FAM168B: variants seen among roughly 807,000 people sequenced by gnomAD.
FAM168B encodes the protein myelin-associated neurite-outgrowth inhibitor.
A neutral mutation model predicts 21.8 loss-of-function variants in FAM168B; 19 were observed. The observed-to-expected ratio is 0.87, with a 90% confidence interval of 0.61 to 1.28. FAM168B has a LOEUF of 1.28. FAM168B is among the 50% of genes most tolerant of loss of function. FAM168B has a pLI of 0.00. For missense variants in FAM168B, 233 were observed against 263.1 expected, an observed-to-expected ratio of 0.89 and a Z score of 0.79; for synonymous variants, 126 against 104.8, an observed-to-expected ratio of 1.20 and a Z score of -1.24.
At position 131,050,585 on chromosome 2, in the gene FAM168B, A is replaced by C; in HGVS notation, c.*1880T>G. On this transcript the variant is annotated 3_prime_UTR_variant, in exon 7 of 7. Transcript: ENST00000389915. ...ACATTCTATGTTAATAGACATCAGG[A>C]ATAAAGAATCTGCTGTTTACAATGA... 1.0e-6 allele frequency: 1 copy of C among 985,714 alleles called. No individual in the cohort carries two copies. The highest frequency in any genetic ancestry group is 1.2e-6 in the Non-Finnish European group (1 of 829,820). 61.1% of individuals were successfully genotyped at this position (985,714 alleles called of 1,614,324 possible).
rs1286199752 is a variant in FAM168B at position 131,048,308 on chromosome 2, T to C, written c.*4157A>G. The C allele has an allele frequency of 5.4e-6, 7 of 1,304,232 alleles. No homozygotes were observed. Among genetic ancestry groups the C allele is most frequent in the Admixed American group, 2.3e-5 (1 of 43,576 alleles). 80.8% of individuals were successfully genotyped at this position (1,304,232 alleles called of 1,614,324 possible). ...GGCCTGAGATCTGGCCCAGCTGCCT[T>C]GCCCACTGGTCTGCACAGGGACTCA... On this transcript the variant is annotated 3_prime_UTR_variant, in exon 7 of 7. Coordinates refer to ENST00000389915, the MANE Select transcript of FAM168B (RefSeq NM_001009993.4).
At chr2:131,067,349 G>A (rs1573778332) in intron 3 of FAM168B, among the ~76,000 whole-genome samples, 1 of 152,222 alleles carries the variant, frequency 6.6e-6, no homozygotes, top group East Asian at 1.9e-4. Context: ...AGAAATACGT[G>A]GCATTTGGAT....
chr2:131,048,151 A>T lies in FAM168B; in HGVS notation c.*4314T>A. ...AAAAAAAGTACCGAGAGAACGGTGT[A>T]AAAAACGGTATTTAAAAATCATTTT... On this transcript the variant is annotated 3_prime_UTR_variant, in exon 7 of 7. Coordinates refer to ENST00000389915, the MANE Select transcript of FAM168B (RefSeq NM_001009993.4). The T allele has an allele frequency of 8.1e-7, 1 of 1,240,804 alleles. No homozygotes were observed. The highest frequency in any genetic ancestry group is 1.4e-5 in the South Asian group (1 of 72,960). 76.9% of individuals were successfully genotyped at this position (1,240,804 alleles called of 1,614,324 possible).
intron 1 of FAM168B, among the ~76,000 whole-genome samples, chr2:131,091,263 C>A (rs192565692): frequency 5.9e-5 from 9 of 151,908 alleles, no homozygotes; most frequent in African/African-American, 1.9e-4. Context: ...CACTTGAACC[C>A]GGGAGGAGGA....
intron 2 of FAM168B, among the ~76,000 whole-genome samples, chr2:131,072,243 C>A (rs749501884): frequency 3.3e-5 from 5 of 152,064 alleles, no homozygotes; most frequent in African/African-American, 1.2e-4. Flanking sequence ...CCTGCCTCAG[C>A]CTTCCGAAGA....
Position 131,083,874 on chromosome 2 carries a change from GTATTTATTTATTTATT to G in FAM168B, c.-11-1233_-11-1218del, listed in dbSNP as rs10550552. On this transcript the variant is annotated intron_variant, in intron 1 of 6. Transcript: ENST00000389915. The stretch of plus-strand genomic sequence containing the variant: ...TTTAGTGGTCCTTTTGCAATTTCCT[GTATTTATTTATTTATT>G]TATTTATTTATTTATTTATTTATTT... Among the ~76,000 whole-genome samples, 971 of 148,136 alleles carry G rather than the reference GTATTTATTTATTTATT, an allele frequency of 6.6e-3. 6 individuals are homozygous for G. The highest frequency in any genetic ancestry group is 0.021 in the African/African-American group (844 of 39,882).
intron 3 of FAM168B, among the ~76,000 whole-genome samples, chr2:131,056,556 G>A (rs1375251594): frequency 6.6e-6 from 1 of 152,146 alleles, no homozygotes; most frequent in African/African-American, 2.4e-5. Flanking sequence ...TAAGCAGTTA[G>A]GTGTCCCTTC....
chr2:131,069,881 C>T (rs1325283298), intron 3 of FAM168B, among the ~76,000 whole-genome samples: 3 of 150,500 alleles, frequency 2.0e-5, no homozygotes, highest in South Asian at 2.1e-4. Flanking sequence ...TTGGTTGAGA[C>T]GGAGTCTCAC....
At chr2:131,057,809 A>G (rs144441000) in intron 3 of FAM168B, among the ~76,000 whole-genome samples, 83 of 152,292 alleles carry the variant, frequency 5.5e-4, no homozygotes, top group Admixed American at 1.2e-3. Context: ...GCTGTTAGCA[A>G]TATGTACGTG....
intron 3 of FAM168B, among the ~76,000 whole-genome samples, chr2:131,069,436 C>T (rs1692743458): frequency 6.6e-6 from 1 of 151,902 alleles, no homozygotes; most frequent in Admixed American, 6.6e-5. Flanking sequence ...AAGTGTAAAA[C>T]TTCTACAAGA....
chr2:131,067,372 C>G (rs1692617329), intron 3 of FAM168B, among the ~76,000 whole-genome samples: 1 of 152,168 alleles, frequency 6.6e-6, no homozygotes, highest in Non-Finnish European at 1.5e-5. Flanking sequence ...CAAAAGTGCT[C>G]TGGAAGTCAG....
At chr2:131,059,715 C>T (rs948097591) in intron 3 of FAM168B, among the ~76,000 whole-genome samples, 138 of 152,300 alleles carry the variant, frequency 9.1e-4, no homozygotes, top group African/African-American at 2.9e-3. Context: ...ACAGGGTTCC[C>T]TTTCTTCATA....
At chr2:131,061,217 G>A (rs1359630544) in intron 3 of FAM168B, among the ~76,000 whole-genome samples, 1 of 147,190 alleles carries the variant, frequency 6.8e-6, no homozygotes, top group Non-Finnish European at 1.5e-5. Context: ...CACTTTGGGA[G>A]GCCAAGGTGG....
chr2:131,069,618 G>A (rs989673538), intron 3 of FAM168B, among the ~76,000 whole-genome samples: 3 of 149,896 alleles, frequency 2.0e-5, no homozygotes, highest in African/African-American at 7.4e-5. Flanking sequence ...CTCAGCCTCT[G>A]GAGTAGCTGG....
intron 3 of FAM168B, among the ~76,000 whole-genome samples, chr2:131,070,968 A>G (rs1692843783): frequency 6.6e-6 from 1 of 152,336 alleles, no homozygotes; most frequent in African/African-American, 2.4e-5. Context: ...AAAGCTTGGG[A>G]GCAGGAAGAC....
At chr2:131,092,493 TAAG>T (rs987480567) in intron 1 of FAM168B, among the ~76,000 whole-genome samples, 3 of 152,214 alleles carry the variant, frequency 2.0e-5, no homozygotes, top group African/African-American at 7.2e-5. Flanking sequence ...CCTGAAAGTT[TAAG>T]GAGTGGAAAC....
chr2:131,086,074 C>T (rs540094792), intron 1 of FAM168B, among the ~76,000 whole-genome samples: 10 of 152,024 alleles, frequency 6.6e-5, no homozygotes, highest in Non-Finnish European at 1.3e-4. Flanking sequence ...TGTGTCTTAC[C>T]CTACAGTTTA....
At chr2:131,074,665 G>A (rs1693045918) in intron 2 of FAM168B, among the ~76,000 whole-genome samples, 1 of 152,144 alleles carries the variant, frequency 6.6e-6, no homozygotes, top group Admixed American at 6.6e-5. Context: ...CGATCCCTTA[G>A]GAACAAATCA....
At chr2:131,091,390 G>A (rs946627498) in intron 1 of FAM168B, among the ~76,000 whole-genome samples, 3 of 151,034 alleles carry the variant, frequency 2.0e-5, no homozygotes, top group Admixed American at 6.6e-5. Flanking sequence ...GCGCGGTGGT[G>A]TCTCCAGCAC....
Sources: allele counts gnomAD v4.1 joint callset (sites outside exome capture counted in the v4.1 genomes callset), GRCh38; gene constraint gnomAD v4.1.1; transcripts MANE v1.5; gene names NCBI Gene and HGNC (gene_info 2026-07-23, HGNC 2026-07-21).